The following EDRF1 variants were observed in gnomAD, a reference collection of about 807,000 sequenced individuals.
EDRF1 encodes the protein erythroid differentiation-related factor 1.
In EDRF1, 69 loss-of-function variants were observed where a neutral mutation model predicts 148.7. The ratio of observed to expected loss-of-function variants is 0.46; its 90% CI spans 0.38 to 0.57. The LOEUF is 0.57. EDRF1 is among the 20% of genes least tolerant of loss of function. EDRF1 has a pLI of 0.00. For missense variants in EDRF1, 1,118 were observed against 1,478.7 expected, an observed-to-expected ratio of 0.76 and a Z score of 4.00; for synonymous variants, 515 against 532.8, an observed-to-expected ratio of 0.97 and a Z score of 0.46.
At chr10:125,747,415 T>C (rs565683140) in intron 19 of EDRF1, 121 bp from the exon 20 acceptor site, 1 of 1,144,666 alleles carries the variant, frequency 8.7e-7, no homozygotes, top group Admixed American at 1.8e-5. Context: ...ATATTGTCTC[T>C]TTATAAATTA....
At chr10:125,742,448 T>C in intron 17 of EDRF1, 1 of 1,084,808 alleles carries the variant, frequency 9.2e-7, no homozygotes, top group South Asian at 2.4e-5. Flanking sequence ...AATTCATAGC[T>C]AGAGGAGTAT....
chr10:125,722,579 T>A (rs1449289945), intron 2 of EDRF1, among the ~76,000 whole-genome samples: 26 of 152,202 alleles, frequency 1.7e-4, no homozygotes, highest in Admixed American at 1.7e-3. Context: ...TTTAATTTCC[T>A]TTTGTGGCTG....
chr10:125,730,888 A>C (rs947171735), intron 9 of EDRF1, among the ~76,000 whole-genome samples: 8 of 152,196 alleles, frequency 5.3e-5, no homozygotes, highest in Non-Finnish European at 1.2e-4. Context: ...TATTCCTGTA[A>C]TCCCAAGCTA....
chr10:125,751,312 G>C (rs1046869353), intron 22 of EDRF1, among the ~76,000 whole-genome samples: 2 of 152,138 alleles, frequency 1.3e-5, no homozygotes, highest in African/African-American at 4.8e-5. Flanking sequence ...ATATTTTAGA[G>C]GGTTTTGTTA....
At chr10:125,750,865 A>C (rs1044790176) in intron 22 of EDRF1, among the ~76,000 whole-genome samples, 7 of 152,220 alleles carry the variant, frequency 4.6e-5, no homozygotes, top group African/African-American at 1.7e-4. Context: ...AGTGATCTTC[A>C]GTTTTCACTT....
intron 24 of EDRF1, among the ~76,000 whole-genome samples, chr10:125,755,581 T>C (rs759193174): frequency 3.3e-5 from 5 of 152,326 alleles, no homozygotes; most frequent in Non-Finnish European, 7.4e-5. Context: ...TATGTCTTCA[T>C]TAAACATGTA....
At chr10:125,758,758 C>T (rs1418486396) in intron 24 of EDRF1, among the ~76,000 whole-genome samples, 2 of 152,180 alleles carry the variant, frequency 1.3e-5, no homozygotes, top group African/African-American at 4.8e-5. Context: ...TCCACTGTCA[C>T]TGGTCCTTCG....
At chr10:125,740,360 C>A in intron 15 of EDRF1, 103 bp from the exon 16 acceptor site, 1 of 1,183,698 alleles carries the variant, frequency 8.4e-7, no homozygotes, top group Non-Finnish European at 1.2e-6. Context: ...GTCTTGTCAC[C>A]TAAGTCTAGA....
Position 125,738,459 on chromosome 10 carries a change from A to T in EDRF1, c.1981+14A>T. On this transcript the variant is annotated intron_variant, in intron 15 of 24. Coordinates refer to ENST00000356792, the MANE Select transcript of EDRF1 (RefSeq NM_001202438.2). ...TTTTGGACAAAAGTAAGTTGAATTG[A>T]TGTGCAAATAAGGCCTTCAATAGAA... is the stretch of plus-strand genomic sequence containing the variant. The T allele has an allele frequency of 1.2e-6, 2 of 1,614,020 alleles. No homozygotes were observed. Among genetic ancestry groups the T allele is most frequent in the South Asian group, 2.2e-5 (2 of 91,072 alleles).
At chr10:125,742,000 C>T (rs1375672689) in intron 17 of EDRF1, among the ~76,000 whole-genome samples, 1 of 152,184 alleles carries the variant, frequency 6.6e-6, no homozygotes, top group African/African-American at 2.4e-5. Flanking sequence ...AGCCTTGTGT[C>T]AGCTTTTTAC....
At chr10:125,734,223 C>T in intron 12 of EDRF1, 40 bp downstream of exon 12, 1 of 1,438,424 alleles carries the variant, frequency 7.0e-7, no homozygotes, top group Non-Finnish European at 9.8e-7. Context: ...ACAATCCTAG[C>T]ATTCTAATAG....
At chr10:125,740,120 A>C (rs1335297460) in intron 15 of EDRF1, among the ~76,000 whole-genome samples, 1 of 152,222 alleles carries the variant, frequency 6.6e-6, no homozygotes, top group Admixed American at 6.5e-5. Flanking sequence ...ACAGGCTTTC[A>C]CGCTGATCTA....
At chr10:125,742,284 C>G (rs1406494128) in intron 17 of EDRF1, 1 of 1,288,748 alleles carries the variant, frequency 7.8e-7, no homozygotes, top group Non-Finnish European at 1.0e-6. Context: ...CTTACCTCAG[C>G]ACAGTGTGTA....
rs1208871164 is a variant in EDRF1 at position 125,721,221 on chromosome 10, T to C, written c.126T>C (p.Leu42=). The change falls in exon 2 of 25, where the codon CTT becomes CTC. Residue 42 remains leucine, a synonymous_variant. Coordinates refer to ENST00000356792, the MANE Select transcript of EDRF1 (RefSeq NM_001202438.2). Reference sequence around the variant, plus strand: ...TTAATTAGGGATCAGCTTTATTTCTTGGAGGCAATGAAGTGAAGAGCCGAG... The same window carrying C: ...TTAATTAGGGATCAGCTTTATTTCTCGGAGGCAATGAAGTGAAGAGCCGAG... ...ESSAQGSALF[L]GGNEVKSRAV... is the part of the protein sequence containing the mutation. 11 of 1,614,098 alleles carry C rather than the reference T, an allele frequency of 6.8e-6. No individual in the cohort carries two copies. Among genetic ancestry groups the C allele is most frequent in the Non-Finnish European group, 8.5e-6 (10 of 1,180,036 alleles).
intron 18 of EDRF1, among the ~76,000 whole-genome samples, chr10:125,744,397 T>C (rs1372298116): frequency 2.6e-5 from 4 of 152,214 alleles, no homozygotes; most frequent in African/African-American, 9.6e-5. Context: ...TTGCCCAGGC[T>C]GGTCTCGGAC....
At chr10:125,728,011 A>G (rs557664874) in intron 6 of EDRF1, among the ~76,000 whole-genome samples, 1 of 152,144 alleles carries the variant, frequency 6.6e-6, no homozygotes, top group South Asian at 2.1e-4. Flanking sequence ...AGCCTGGCCA[A>G]CATGGCGAAA....
At chr10:125,724,060 A>G (rs1848139674) in intron 4 of EDRF1, 124 bp downstream of exon 4, 8 of 1,123,250 alleles carry the variant, frequency 7.1e-6, no homozygotes, top group Non-Finnish European at 7.8e-6. Context: ...CGAGAAATTG[A>G]AAGTTTCACT....
Position 125,745,862 on chromosome 10 carries a change from G to T in EDRF1, c.2746G>T (p.Ala916Ser). 1.2e-6 allele frequency: 2 copies of T among 1,614,228 alleles called. No individual in the cohort carries two copies. The highest frequency in any genetic ancestry group is 8.5e-7 in the Non-Finnish European group (1 of 1,180,036). Reference protein sequence around the residue: ...TGRLMRICAQAHCGAGDELKR... With the variant: ...TGRLMRICAQSHCGAGDELKR... The stretch of plus-strand genomic sequence containing the variant: ...AAGGCTCATGCGGATTTGTGCGCAG[G>T]CCCACTGTGGTGCAGGGGATGAACT... Residue 916 changes from alanine (A) to serine (S), a missense_variant, in exon 19 of 25, where the codon GCC becomes TCC. This residue lies in a region of EDRF1 where 954 missense variants were observed against 1,241.4 expected (regional missense o/e 0.77). Transcript: ENST00000356792.
intron 15 of EDRF1, among the ~76,000 whole-genome samples, chr10:125,739,563 C>G (rs7078427): frequency 0.042 from 6,394 of 152,268 alleles, 204 homozygotes; most frequent in Non-Finnish European, 0.062. Flanking sequence ...TAGTTTCTCA[C>G]AATGCCTCTT....
Sources: allele counts gnomAD v4.1 joint callset (sites outside exome capture counted in the v4.1 genomes callset), GRCh38; gene constraint gnomAD v4.1.1; regional missense constraint gnomAD v4.1.1; transcripts MANE v1.5; gene names NCBI Gene and HGNC (gene_info 2026-07-23, HGNC 2026-07-21).